Variants in DPH6 observed in about 807,000 individuals in gnomAD.
DPH6 encodes diphthamine biosynthesis 6.
A neutral mutation model predicts 38.2 loss-of-function variants in DPH6; 33 were observed. The observed-to-expected ratio is 0.86, with a 90% CI of 0.65 to 1.15. The LOEUF (loss-of-function observed/expected upper bound fraction) is 1.15, where lower values mean the gene tolerates loss of function less well. Ranked by LOEUF, DPH6 falls within the 50% of genes most tolerant of loss-of-function variation. DPH6 has a pLI of 0.00. For synonymous variants in DPH6, 108 were observed against 103.0 expected (o/e 1.05, Z -0.30); for missense variants, 325 against 320.0 (o/e 1.02, Z -0.12).
chr15:35,339,471 T>G (rs141261257), intron 3 of DPH6, among the ~76,000 whole-genome samples: 1 of 152,022 alleles, frequency 6.6e-6, no homozygotes, highest in South Asian at 2.1e-4. Context: ...ATTATAGGCA[T>G]GTGCCACCAC....
chr15:35,366,474 T>C (rs1422564227), downstream of DPH6, among the ~76,000 whole-genome samples: 3 of 151,980 alleles, frequency 2.0e-5, no homozygotes, highest in East Asian at 5.8e-4. Context: ...CTGCTCTCTC[T>C]TAATTTTCTT....
rs55974798 is a variant in DPH6, at chr15:35,534,377, C to CAA, written c.312+3895_312+3896dup. Among the ~76,000 whole-genome samples, 643 of 104,184 alleles carry CAA rather than the reference C, an allele frequency of 6.2e-3. 5 individuals are homozygous for CAA. Among genetic ancestry groups the CAA allele is most frequent in the African/African-American group, 0.017 (481 of 28,120 alleles). The allele number at this position is 104,184 out of a possible 152,430, so 68.3% of individuals were successfully genotyped here. A position where few individuals can be genotyped will look rare whatever the true frequency, so the allele number is the denominator to read the frequency against. On this transcript the variant is annotated intron_variant, in intron 3 of 8. Transcript: ENST00000256538. ...GGGCAACAAGAGCGTAACTCTGTCTCAAAAAAAAAAAAAAAAAAGAAAAGA... is the reference window on the plus strand; with the variant it reads ...GGGCAACAAGAGCGTAACTCTGTCTCAAAAAAAAAAAAAAAAAAAAGAAAAGA...
chr15:35,159,249 C>T, the DPH6 span, among the ~76,000 whole-genome samples: 6 of 152,050 alleles, frequency 3.9e-5, no homozygotes, highest in South Asian at 4.1e-4. Context: ...TTCTTTACAA[C>T]GGGAACCATG....
chr15:35,388,903 T>C (rs2053011921), intron 6 of DPH6, among the ~76,000 whole-genome samples: 1 of 152,192 alleles, frequency 6.6e-6, no homozygotes, highest in Middle Eastern at 3.2e-3. Context: ...GTGTTTCCTC[T>C]TGCTTCTCTA....
the DPH6 span, among the ~76,000 whole-genome samples, chr15:35,206,973 G>T: frequency 1.6e-5 from 2 of 125,774 alleles, no homozygotes; most frequent in East Asian, 5.2e-4. Flanking sequence ...CCATTAAAAA[G>T]ATATGGAAAA....
At chr15:35,409,675 G>A (rs773453718) in intron 6 of DPH6, among the ~76,000 whole-genome samples, 12 of 151,806 alleles carry the variant, frequency 7.9e-5, no homozygotes, top group Non-Finnish European at 1.6e-4. Flanking sequence ...GCTAAATTTA[G>A]TCTGATGGCA....
chr15:35,537,927 A>G (rs532434069), intron 3 of DPH6, among the ~76,000 whole-genome samples: 1 of 152,230 alleles, frequency 6.6e-6, no homozygotes, highest in East Asian at 1.9e-4. Context: ...AGTGTCTAGC[A>G]CTATATGCCA....
intron 6 of DPH6, among the ~76,000 whole-genome samples, chr15:35,402,564 A>G (rs1230362371): frequency 1.3e-5 from 2 of 152,178 alleles, no homozygotes; most frequent in African/African-American, 4.8e-5. Context: ...AATTTGTATT[A>G]AAATTTACCT....
At chr15:35,462,454 G>C (rs2054077485) in intron 3 of DPH6, among the ~76,000 whole-genome samples, 1 of 152,138 alleles carries the variant, frequency 6.6e-6, no homozygotes, top group Non-Finnish European at 1.5e-5. Flanking sequence ...GCACTCCCAA[G>C]TATACTCCAC....
At chr15:35,542,317 T>C (rs1202002741) in intron 2 of DPH6, 96 bp downstream of exon 2, 10 of 1,041,554 alleles carry the variant, frequency 9.6e-6, no homozygotes, top group Non-Finnish European at 1.4e-5. Flanking sequence ...TATTGGTTCT[T>C]TTTTTTTCAT....
intron 5 of DPH6, among the ~76,000 whole-genome samples, chr15:35,421,108 G>A (rs1254933279): frequency 6.6e-6 from 1 of 152,078 alleles, no homozygotes; most frequent in African/African-American, 2.4e-5. Flanking sequence ...CTGGAAATCT[G>A]AACAGACCAA....
At position 35,523,510 on chromosome 15, in the gene DPH6, A is replaced by T. The variant is rs111451935; in HGVS notation, c.312+14764T>A. On this transcript the variant is annotated intron_variant, in intron 3 of 8. Transcript: ENST00000256538. ...TTATATTATAGAACAAGACTTCCCA[A>T]CTTATCCAAAAAGAAAAAGAAAAAT... Among the ~76,000 whole-genome samples, 990 of 151,946 alleles carry T rather than the reference A, an allele frequency of 6.5e-3. 18 individuals carry two copies. The highest frequency in any genetic ancestry group is 0.023 in the African/African-American group (953 of 41,514).
chr15:35,298,485 C>T (rs2052030431), intron 3 of DPH6: 1 of 773,036 alleles, frequency 1.3e-6, no homozygotes, highest in Non-Finnish European at 2.4e-6. Context: ...GTTTTAACTT[C>T]CAAGTCTTCA....
At chr15:35,257,165 G>A (rs2051714033) in intron 3 of DPH6, among the ~76,000 whole-genome samples, 1 of 152,150 alleles carries the variant, frequency 6.6e-6, no homozygotes, top group South Asian at 2.1e-4. Flanking sequence ...CATTAGCATA[G>A]CATACCAGGA....
downstream of DPH6, among the ~76,000 whole-genome samples, chr15:35,215,079 C>G (rs1049506238): frequency 6.6e-6 from 1 of 152,090 alleles, no homozygotes; most frequent in African/African-American, 2.4e-5. Flanking sequence ...AATAATTCAC[C>G]AAATAGTTTA....
chr15:35,520,220 C>CA (rs1353792195), intron 3 of DPH6: 13,528 of 439,468 alleles, frequency 0.031, 77 homozygotes, highest in South Asian at 0.039. Context: ...AAACATGCTA[C>CA]AAAAAAAAAC....
At position 35,251,342 on chromosome 15, in the gene DPH6, C is replaced by T. The variant is rs184522858; in HGVS notation, n.201-30760G>A. On this transcript the variant is annotated intron_variant and non_coding_transcript_variant, in intron 3 of 3. Coordinates refer to the DPH6 transcript ENST00000560386. ...TCAGAAATGTCTCTTAATATATGCC[C>T]GCTCCATTCCCAATGCCACTGCCTC... 3.3e-3 allele frequency among the ~76,000 whole-genome samples: 496 copies of T among 152,218 alleles called. 2 individuals are homozygous for T. Among genetic ancestry groups the T allele is most frequent in the Non-Finnish European group, 5.8e-3 (397 of 68,016 alleles).
intron 3 of DPH6, among the ~76,000 whole-genome samples, chr15:35,324,548 C>T (rs942851807): frequency 2.0e-5 from 3 of 152,156 alleles, no homozygotes; most frequent in African/African-American, 7.2e-5. Context: ...ATTTCCTCTC[C>T]CCTATCTTCG....
chr15:35,157,949 A>C, the DPH6 span, among the ~76,000 whole-genome samples: 21 of 152,252 alleles, frequency 1.4e-4, no homozygotes, highest in East Asian at 4.1e-3. Flanking sequence ...CAGCCAAAAA[A>C]AAAAAATCCT....
Sources: allele counts gnomAD v4.1 joint callset (sites outside exome capture counted in the v4.1 genomes callset), GRCh38; gene constraint gnomAD v4.1.1; transcripts MANE v1.5; gene names NCBI Gene and HGNC (gene_info 2026-07-23, HGNC 2026-07-21).